Variants in RFX3 observed in about 807,000 individuals in gnomAD.
RFX3 encodes the protein transcription factor RFX3.
In RFX3, 14 loss-of-function variants were observed where a neutral mutation model predicts 98.6. The ratio of observed to expected loss-of-function variants is 0.14; its 90% CI spans 0.09 to 0.22. The LOEUF is 0.22. Ranked by LOEUF, RFX3 falls within the 10% of genes least tolerant of loss-of-function variation. RFX3 has a pLI of 1.00. For missense variants in RFX3, 639 were observed against 926.9 expected (o/e 0.69, Z 4.03); for synonymous variants, 383 against 328.4 (o/e 1.17, Z -1.80).
At chr9:3,309,795 C>T (rs1403834027) in intron 4 of RFX3, among the ~76,000 whole-genome samples, 1 of 152,132 alleles carries the variant, frequency 6.6e-6, no homozygotes. Flanking sequence ...TTTTAAGTCC[C>T]CATTGCCTTC....
At chr9:3,235,232 G>A (rs1818978326) in intron 15 of RFX3, among the ~76,000 whole-genome samples, 2 of 152,248 alleles carry the variant, frequency 1.3e-5, no homozygotes, top group African/African-American at 4.8e-5. Context: ...GACGTAAAGA[G>A]AGAGTCTAAT....
intron 15 of RFX3, chr9:3,247,643 G>A (rs947552783): frequency 3.7e-5 from 50 of 1,369,432 alleles, no homozygotes; most frequent in Admixed American, 9.5e-5. Flanking sequence ...CTTGGAGACC[G>A]GGAAAGAGTC....
chr9:3,465,458 C>CTTT (rs34093115), intron 1 of RFX3, among the ~76,000 whole-genome samples: 1,759 of 129,626 alleles, frequency 0.014, 45 homozygotes, highest in African/African-American at 0.045. Flanking sequence ...GCCCAGGTAA[C>CTTT]TTTTTTTTTT....
rs560674289 is a variant in RFX3 at position 3,246,806 on chromosome 9, T to G, written c.1968+1226A>C. On this transcript the variant is annotated intron_variant, in intron 15 of 16. Coordinates refer to ENST00000617270, the MANE Select transcript of RFX3 (RefSeq NM_001282116.2). Reference sequence around the variant, plus strand: ...TTCCTGCTTAATCTCACACATATATTTGGCATCATTTAAGCTTTATCATCA... The same window carrying G: ...TTCCTGCTTAATCTCACACATATATGTGGCATCATTTAAGCTTTATCATCA... 2.0e-5 allele frequency among the ~76,000 whole-genome samples: 3 copies of G among 152,270 alleles called. No homozygotes were observed. In the South Asian group the frequency reaches 6.2e-4, roughly 32 times the overall value.
intron 4 of RFX3, among the ~76,000 whole-genome samples, chr9:3,305,252 G>A (rs576373579): frequency 6.6e-6 from 1 of 152,122 alleles, no homozygotes; most frequent in African/African-American, 2.4e-5. Flanking sequence ...GAAAAAATAG[G>A]TTGGAAGTAG....
intron 1 of RFX3, among the ~76,000 whole-genome samples, chr9:3,415,870 C>A (rs965481751): frequency 3.3e-5 from 5 of 152,106 alleles, no homozygotes; most frequent in Middle Eastern, 3.2e-3. Context: ...TAGAAGGTGG[C>A]GGCAATGTTC....
At chr9:3,282,677 G>A (rs1164987209) in intron 7 of RFX3, among the ~76,000 whole-genome samples, 1 of 151,728 alleles carries the variant, frequency 6.6e-6, no homozygotes, top group Admixed American at 6.6e-5. Flanking sequence ...TAGCTGTATA[G>A]AACTGATATA....
intron 6 of RFX3, 54 bp downstream of exon 6, chr9:3,293,023 T>A: frequency 2.2e-6 from 3 of 1,372,414 alleles, no homozygotes; most frequent in Non-Finnish European, 3.0e-6. Flanking sequence ...TATATTGAAT[T>A]GCCCTAGTTT....
At chr9:3,492,332 A>G (rs369908950) in intron 1 of RFX3, among the ~76,000 whole-genome samples, 13 of 152,334 alleles carry the variant, frequency 8.5e-5, no homozygotes, top group African/African-American at 3.1e-4. Context: ...CTCATGTCAG[A>G]TGTCCCTTCC....
intron 6 of RFX3, among the ~76,000 whole-genome samples, chr9:3,290,075 G>C (rs1586899161): frequency 6.6e-6 from 1 of 151,744 alleles, no homozygotes; most frequent in East Asian, 1.9e-4. Flanking sequence ...ACAATTGTCA[G>C]TTTTTTTACA....
chr9:3,340,446 T>C lies in RFX3; in HGVS notation c.215+6221A>G, dbSNP rs542469359. On this transcript the variant is annotated intron_variant, in intron 3 of 16. Transcript: ENST00000617270. ...AGAGCTTCTGCACAGCAAAAGAAAC[T>C]ACCATCAGAGTGAACAGACAACCTA... 3.9e-5 allele frequency among the ~76,000 whole-genome samples: 6 copies of C among 152,184 alleles called. No homozygotes were observed. In the South Asian group the frequency reaches 1.2e-3, roughly 32 times the overall value.
At chr9:3,257,229 A>G (rs1822251478) in intron 13 of RFX3, 30 bp from the exon 14 acceptor site, 1 of 1,601,728 alleles carries the variant, frequency 6.2e-7, no homozygotes, top group African/African-American at 1.3e-5. Context: ...AGAAAAGGAA[A>G]AGTTCAATTC....
chr9:3,393,349 G>C (rs150019300), intron 2 of RFX3, among the ~76,000 whole-genome samples: 7 of 151,820 alleles, frequency 4.6e-5, no homozygotes, highest in Non-Finnish European at 7.4e-5. Flanking sequence ...ATTAAGACCT[G>C]GTGTAAATAT....
At chr9:3,467,857 A>T (rs1848453775) in intron 1 of RFX3, among the ~76,000 whole-genome samples, 1 of 152,132 alleles carries the variant, frequency 6.6e-6, no homozygotes, top group Admixed American at 6.6e-5. Flanking sequence ...AATAAGAAAC[A>T]TTTCCATGGT....
chr9:3,424,779 G>T (rs184082518), intron 1 of RFX3, among the ~76,000 whole-genome samples: 1 of 152,056 alleles, frequency 6.6e-6, no homozygotes, highest in Non-Finnish European at 1.5e-5. Flanking sequence ...TCTATAATTG[G>T]TATATCTCTA....
rs551558554 is a variant in RFX3 at position 3,477,266 on chromosome 9, C to T, written c.-9+48481G>A. ...CTATTTGTACATGTCTTTCATAATG[C>T]CTGTAGTTACCTTTAACCATTCCTC... On this transcript the variant is annotated intron_variant, in intron 1 of 16. Coordinates refer to ENST00000617270, the MANE Select transcript of RFX3 (RefSeq NM_001282116.2). Among the ~76,000 whole-genome samples, 200 of 152,236 alleles carry T rather than the reference C, an allele frequency of 1.3e-3. 5 individuals are homozygous for T. The South Asian group carries it at 0.04, about 30-fold the overall frequency.
Position 3,277,494 on chromosome 9 carries a change from C to T in RFX3, c.852-33G>A, listed in dbSNP as rs763181148. ...TATTAGATGGAAAAAAACAAATAAA[C>T]CAAATTATTCCTTGCTTTTTTGTAC... is the stretch of plus-strand genomic sequence containing the variant. On this transcript the variant is annotated intron_variant, in intron 7 of 16. Transcript: ENST00000617270. 5 of 1,593,272 alleles carry T rather than the reference C, an allele frequency of 3.1e-6. No homozygotes were observed. The Admixed American group carries it at 6.7e-5, about 21-fold the overall frequency.
chr9:3,383,318 G>C (rs1402068605), intron 2 of RFX3, among the ~76,000 whole-genome samples: 1 of 152,030 alleles, frequency 6.6e-6, no homozygotes, highest in Non-Finnish European at 1.5e-5. Flanking sequence ...TACTACTTTT[G>C]CTTGTGACAT....
chr9:3,381,941 T>C (rs2131715897), intron 2 of RFX3, among the ~76,000 whole-genome samples: 1 of 152,280 alleles, frequency 6.6e-6, no homozygotes, highest in Middle Eastern at 3.4e-3. Flanking sequence ...TGTTTGTTTG[T>C]TTGCTTGTTG....
Sources: gnomAD v4.1 joint callset for allele counts (sites outside exome capture counted in the v4.1 genomes callset) on GRCh38, gnomAD v4.1.1 for gene constraint, MANE v1.5 for transcripts, NCBI Gene and HGNC (gene_info 2026-07-23, HGNC 2026-07-21) for gene names.